The following QPCT variants were observed in gnomAD, a reference collection of about 807,000 sequenced individuals.
The protein encoded by QPCT is glutaminyl-peptide cyclotransferase, also known as EC.
A neutral mutation model predicts 43.4 loss-of-function variants in QPCT; 44 were observed. That is an observed-to-expected ratio of 1.01 (90% CI 0.80 to 1.30). The LOEUF (loss-of-function observed/expected upper bound fraction) is 1.30. QPCT is among the 50% of genes most tolerant of loss of function. The probability of loss-of-function intolerance (pLI) is 0.00; values close to 1 mark genes in which losing one functional copy is unlikely to be tolerated. For synonymous variants in QPCT, 168 were observed against 168.4 expected, an observed-to-expected ratio of 1.00 and a Z score of 0.02; for missense variants, 526 against 436.5, an observed-to-expected ratio of 1.21 and a Z score of -1.83.
In QPCT at chr2:37,372,898, C is replaced by A; in HGVS notation, c.*71C>A. ...AAGTCAAGGCATCATTTAAAATAAT[C>A]TGATTTCAGACAAATGCTGTGTGGA... On this transcript the variant is annotated 3_prime_UTR_variant, in exon 7 of 7. Coordinates refer to ENST00000338415, the MANE Select transcript of QPCT (RefSeq NM_012413.4). 1 of 1,369,230 alleles carries A rather than the reference C, an allele frequency of 7.3e-7. No individual in the cohort carries two copies. Among genetic ancestry groups the A allele is most frequent in the Non-Finnish European group, 1.0e-6 (1 of 1,001,132 alleles). The allele number at this position is 1,369,230 out of a possible 1,614,324, so 84.8% of individuals were successfully genotyped here.
Position 37,344,759 on chromosome 2 carries a change from G to T in QPCT, c.28G>T (p.Val10Leu). 2 of 1,607,510 alleles carry T rather than the reference G, an allele frequency of 1.2e-6. No individual in the cohort carries two copies. Among genetic ancestry groups the T allele is most frequent in the South Asian group, 1.1e-5 (1 of 90,686 alleles). The change falls in exon 1 of 7, where the codon GTG (valine) becomes TTG (leucine). Residue 10 changes from valine (V) to leucine (L), a missense_variant. Physicochemically the swap from Val to Leu is conservative, Grantham distance 32 (BLOSUM62 1). Coordinates refer to ENST00000338415, the MANE Select transcript of QPCT (RefSeq NM_012413.4). MAGGRHRRV[V>L]GTLHLLLLVA... is the part of the protein sequence containing the mutation. ...GGCAGGCGGAAGACACCGGCGCGTC[G>T]TGGGCACCCTCCACCTGCTGCTGCT...
intron 2 of QPCT, among the ~76,000 whole-genome samples, chr2:37,353,440 T>A (rs1277420015): frequency 6.6e-6 from 1 of 151,910 alleles, no homozygotes; most frequent in East Asian, 1.9e-4. Context: ...AAAAAAAAAA[T>A]GAATTTTACA....
At chr2:37,370,914 T>A (rs1293399979) in intron 5 of QPCT, among the ~76,000 whole-genome samples, 1 of 152,222 alleles carries the variant, frequency 6.6e-6, no homozygotes, top group African/African-American at 2.4e-5. Context: ...GGGGCTGCTT[T>A]GAAGGCAAGA....
chr2:37,372,685 T>C lies in QPCT; in HGVS notation c.944T>C (p.Val315Ala), dbSNP rs756532892. Residue 315 changes from valine to alanine, a missense_variant, in exon 7 of 7, where the codon GTT becomes GCT. Val to Ala is a moderately conservative substitution (Grantham distance 64). Transcript: ENST00000338415. ...CAAGTTGGTTCTTTCTTAATAGGTG[T>C]TCCAGTTCTGCATCTGATACCGTCT... ...DDHIPFLRRGVPVLHLIPSPF... is the reference protein window; with the variant it reads ...DDHIPFLRRGAPVLHLIPSPF... 15 of 1,612,594 alleles carry C rather than the reference T, an allele frequency of 9.3e-6. No homozygotes were observed. The highest frequency in any genetic ancestry group is 1.7e-4 in the Middle Eastern group (1 of 6,038).
chr2:37,348,935 G>A (rs571298250), intron 1 of QPCT, among the ~76,000 whole-genome samples: 17 of 152,284 alleles, frequency 1.1e-4, no homozygotes, highest in Admixed American at 7.2e-4. Context: ...TGCTGAGCTC[G>A]CTCTTTCTTT....
intron 2 of QPCT, among the ~76,000 whole-genome samples, chr2:37,353,949 C>A (rs759834427): frequency 6.6e-6 from 1 of 152,238 alleles, no homozygotes; most frequent in Non-Finnish European, 1.5e-5. Context: ...CCTGCAACCT[C>A]CACCTCCTGG....
Position 37,359,858 on chromosome 2 carries a change from G to A in QPCT, c.546G>A (p.Lys182=). Residue 182 remains lysine (K), a splice_region_variant and synonymous_variant, in exon 3 of 7, where the codon AAG becomes AAA. Coordinates refer to ENST00000338415, the MANE Select transcript of QPCT (RefSeq NM_012413.4). ...TAGACAAGAAACTCCTTTCCTTAAA[G>A]GTATCTGTTTTCTGCTTATTGATTC... ...RALDKKLLSL[K]TVSDSKPDLS... is the part of the protein sequence containing the mutation. 1 of 1,613,348 alleles carries A rather than the reference G, an allele frequency of 6.2e-7. No individual in the cohort carries two copies. The highest frequency in any genetic ancestry group is 8.5e-7 in the Non-Finnish European group (1 of 1,179,392).
rs1379778477 is a variant in QPCT at position 37,367,116 on chromosome 2, T to C, written c.547-116T>C. 5 of 1,200,768 alleles carry C rather than the reference T, an allele frequency of 4.2e-6. No individual in the cohort carries two copies. The Admixed American group carries it at 7.2e-5, about 17-fold the overall frequency. The allele number at this position is 1,200,768 out of a possible 1,614,324, so 74.4% of individuals were successfully genotyped here. ...AAATTTTGCCATAGTTTCACTTGCT[T>C]TGGTATCTTCCTTTCTTTATGGCAC... On this transcript the variant is annotated intron_variant, in intron 3 of 6. Transcript: ENST00000338415.
intron 2 of QPCT, among the ~76,000 whole-genome samples, chr2:37,355,361 G>A (rs772622407): frequency 6.6e-6 from 1 of 152,100 alleles, no homozygotes; most frequent in Non-Finnish European, 1.5e-5. Flanking sequence ...ATCCTTTCAT[G>A]TAGAACTGAA....
chr2:37,358,298 A>G (rs879871405), intron 2 of QPCT, among the ~76,000 whole-genome samples: 9 of 152,114 alleles, frequency 5.9e-5, no homozygotes, highest in Non-Finnish European at 8.8e-5. Context: ...TTAGTCAGGC[A>G]TGGTGGCATG....
Position 37,367,366 on chromosome 2 carries a change from G to A in QPCT, c.681G>A (p.Pro227=), listed in dbSNP as rs144007811. ...TAGCTGCAAAGATGGCATCGACCCCGCACCCACCTGGAGCGAGAGGCACCA... is the reference window on the plus strand; with the variant it reads ...TAGCTGCAAAGATGGCATCGACCCCACACCCACCTGGAGCGAGAGGCACCA... ...RHLAAKMAST[P]HPPGARGTSQ... The change falls in exon 4 of 7, where the codon CCG becomes CCA. Residue 227 remains proline (P), a synonymous_variant. Transcript: ENST00000338415. The A allele has an allele frequency of 7.2e-5, 116 of 1,613,722 alleles. No homozygotes were observed. Among genetic ancestry groups the A allele is most frequent in the Admixed American group, 4.8e-4 (29 of 59,966 alleles).
chr2:37,364,296 TG>T (rs1672912073), intron 3 of QPCT, among the ~76,000 whole-genome samples: 1 of 152,182 alleles, frequency 6.6e-6, no homozygotes, highest in African/African-American at 2.4e-5. Context: ...TTCAGCTCAC[TG>T]GGGGTCCCAT....
intron 1 of QPCT, among the ~76,000 whole-genome samples, chr2:37,350,586 A>G (rs1319425441): frequency 6.6e-6 from 1 of 152,252 alleles, no homozygotes; most frequent in Non-Finnish European, 1.5e-5. Flanking sequence ...TGAGACAGTG[A>G]GGCAGAGTAA....
intron 6 of QPCT, 24 bp downstream of exon 6, chr2:37,372,496 T>G (rs1203076607): frequency 1.3e-5 from 19 of 1,460,894 alleles, no homozygotes; most frequent in African/African-American, 7.0e-5. Flanking sequence ...GTGTGTGTGT[T>G]TGTGTGTGTG....
chr2:37,351,781 C>T (rs1393282618), intron 1 of QPCT, among the ~76,000 whole-genome samples: 1 of 152,114 alleles, frequency 6.6e-6, no homozygotes, highest in Non-Finnish European at 1.5e-5. Flanking sequence ...ACTCGGGAGG[C>T]TGAGACAGGA....
intron 1 of QPCT, among the ~76,000 whole-genome samples, chr2:37,349,565 G>T (rs1672576087): frequency 6.6e-6 from 1 of 152,196 alleles, no homozygotes. Flanking sequence ...TGACCAGATG[G>T]GCTTTGGGAT....
chr2:37,366,626 G>A (rs1269228669), intron 3 of QPCT, among the ~76,000 whole-genome samples: 1 of 152,232 alleles, frequency 6.6e-6, no homozygotes, highest in Non-Finnish European at 1.5e-5. Context: ...CTGACATGGA[G>A]TTTAGTATTC....
intron 1 of QPCT, among the ~76,000 whole-genome samples, chr2:37,348,834 A>T (rs966648674): frequency 1.3e-5 from 2 of 152,190 alleles, no homozygotes; most frequent in African/African-American, 4.8e-5. Flanking sequence ...AAATTGTCTA[A>T]GTGTCTTTTA....
chr2:37,345,344 T>G (rs1328445766), intron 1 of QPCT, among the ~76,000 whole-genome samples: 3 of 152,144 alleles, frequency 2.0e-5, no homozygotes, highest in African/African-American at 4.8e-5. Context: ...GACGGATGTG[T>G]GTTGTTTGTT....
Sources: allele counts gnomAD v4.1 joint callset (sites outside exome capture counted in the v4.1 genomes callset), GRCh38; gene constraint gnomAD v4.1.1; transcripts MANE v1.5; gene names NCBI Gene and HGNC (gene_info 2026-07-23, HGNC 2026-07-21).